ADGRL2: variants seen among roughly 807,000 people sequenced by gnomAD.
ADGRL2 encodes the protein adhesion G protein-coupled receptor L2, also known as calcium-independent alpha-latrotoxin receptor 2.
A neutral mutation model predicts 157.4 loss-of-function variants in ADGRL2; 44 were observed. That is an observed-to-expected ratio of 0.28 (90% CI 0.22 to 0.36). The LOEUF (loss-of-function observed/expected upper bound fraction) is 0.36, where lower values mean the gene tolerates loss of function less well. Among genes scored for constraint, ADGRL2 ranks in the 10% least tolerant of loss-of-function variants. The pLI, the probability that ADGRL2 is intolerant of heterozygous loss-of-function variation, is 1.00. For missense variants in ADGRL2, 1,510 were observed against 1,768.9 expected, an observed-to-expected ratio of 0.85 and a Z score of 2.63; for synonymous variants, 585 against 624.7, an observed-to-expected ratio of 0.94 and a Z score of 0.95.
chr1:81,652,197 G>T (rs572676052), intron 3 of ADGRL2, among the ~76,000 whole-genome samples: 5 of 152,104 alleles, frequency 3.3e-5, no homozygotes, highest in Non-Finnish European at 7.4e-5. Context: ...TAACTTAAAA[G>T]CTACCTTGTT....
intron 1 of ADGRL2, among the ~76,000 whole-genome samples, chr1:81,726,512 G>A (rs1327830270): frequency 2.6e-5 from 4 of 152,084 alleles, no homozygotes; most frequent in Non-Finnish European, 5.9e-5. Context: ...AAACTAAATA[G>A]CCATGACTGT....
intron 2 of ADGRL2, among the ~76,000 whole-genome samples, chr1:81,462,546 A>AT (rs978515047): frequency 2.0e-5 from 3 of 152,002 alleles, no homozygotes; most frequent in South Asian, 4.2e-4. Flanking sequence ...CTGGTGATTA[A>AT]TTTTTTTCCT....
intron 2 of ADGRL2, among the ~76,000 whole-genome samples, chr1:81,514,236 T>C (rs1455412581): frequency 6.6e-6 from 1 of 152,142 alleles, no homozygotes; most frequent in African/African-American, 2.4e-5. Context: ...GGATTGCATA[T>C]TATGTTTGTT....
At position 81,789,294 on chromosome 1, in the gene ADGRL2, T is replaced by C. The variant is rs992613808; in HGVS notation, c.-101+27442T>C. The stretch of plus-strand genomic sequence containing the variant: ...ACAAATACAGTGATGTGTAATAAGT[T>C]CTATGATAATCAATGTTTGTTTTGA... On this transcript the variant is annotated intron_variant, in intron 2 of 20. Transcript: ENST00000359929. Among the ~76,000 whole-genome samples the C allele has an allele frequency of 6.6e-5, 10 of 152,294 alleles. No homozygotes were observed. The South Asian group carries it at 2.1e-3, about 32-fold the overall frequency.
intron 1 of ADGRL2, among the ~76,000 whole-genome samples, chr1:81,812,999 T>C (rs2090025779): frequency 6.6e-6 from 1 of 151,796 alleles, no homozygotes; most frequent in Non-Finnish European, 1.5e-5. Flanking sequence ...AGGGAAGTAC[T>C]TGAGAGTTTT....
intron 1 of ADGRL2, among the ~76,000 whole-genome samples, chr1:81,704,339 T>C (rs764660653): frequency 6.6e-6 from 1 of 152,218 alleles, no homozygotes; most frequent in Non-Finnish European, 1.5e-5. Flanking sequence ...CCGGTTTTCC[T>C]GCCTCAAGAC....
intron 1 of ADGRL2, among the ~76,000 whole-genome samples, chr1:81,726,551 G>T (rs1197833240): frequency 6.6e-6 from 1 of 152,128 alleles, no homozygotes; most frequent in East Asian, 1.9e-4. Flanking sequence ...TGAGAGTGCG[G>T]GTCAAACCTA....
At chr1:81,900,501 C>G (rs1419667552) in intron 2 of ADGRL2, among the ~76,000 whole-genome samples, 1 of 150,720 alleles carries the variant, frequency 6.6e-6, no homozygotes, top group East Asian at 2.0e-4. Flanking sequence ...AACTCATGCC[C>G]AGCAGTGTTG....
chr1:81,956,661 A>G (rs1653602753), intron 11 of ADGRL2, among the ~76,000 whole-genome samples: 1 of 152,206 alleles, frequency 6.6e-6, no homozygotes, highest in South Asian at 2.1e-4. Flanking sequence ...AATATTTGAA[A>G]GAAATACAGT....
At position 81,954,211 on chromosome 1, in the gene ADGRL2, A is replaced by G. The variant is rs370227151; in HGVS notation, c.1833+1186A>G. Among the ~76,000 whole-genome samples the G allele has an allele frequency of 5.8e-3, 809 of 140,206 alleles. 3 individuals are homozygous for G. Among genetic ancestry groups the G allele is most frequent in the Middle Eastern group, 0.012 (3 of 260 alleles). The allele number at this position is 140,206 out of a possible 152,430, so 92.0% of individuals were successfully genotyped here. On this transcript the variant is annotated intron_variant, in intron 10 of 23. Coordinates refer to ENST00000686636, the MANE Select transcript of ADGRL2 (RefSeq NM_001366006.2). ...ACATACATCGCAGTTGGAAAAGAAT[A>G]GCTTTTTTTTTTTCCTTTGGCAGAA...
At chr1:81,703,524 G>A (rs2083639437) in intron 1 of ADGRL2, among the ~76,000 whole-genome samples, 1 of 152,142 alleles carries the variant, frequency 6.6e-6, no homozygotes, top group African/African-American at 2.4e-5. Context: ...ATGAGAGTAT[G>A]TGCCAGATGC....
At chr1:81,581,872 GCGCACACACA>G (rs1170108756) in intron 3 of ADGRL2, among the ~76,000 whole-genome samples, 135 of 85,358 alleles carry the variant, frequency 1.6e-3, no homozygotes, top group East Asian at 5.3e-3. Flanking sequence ...ACACACATGC[GCGCACACACA>G]CACACACACA....
At chr1:81,434,199 T>C (rs549139269) in intron 1 of ADGRL2, among the ~76,000 whole-genome samples, 2 of 152,330 alleles carry the variant, frequency 1.3e-5, no homozygotes, top group African/African-American at 2.4e-5. Context: ...TTTGATACCA[T>C]CCCTGATCTA....
intron 2 of ADGRL2, among the ~76,000 whole-genome samples, chr1:81,555,093 G>A (rs895571758): frequency 6.6e-6 from 1 of 151,858 alleles, no homozygotes; most frequent in African/African-American, 2.4e-5. Flanking sequence ...CAAGGCTGAA[G>A]AAAACAAAAT....
chr1:81,571,316 T>C (rs1433523015), intron 2 of ADGRL2, among the ~76,000 whole-genome samples: 1 of 149,066 alleles, frequency 6.7e-6, no homozygotes, highest in Non-Finnish European at 1.5e-5. Context: ...AGAGCGAGAC[T>C]CTGGCAAAAA....
intron 2 of ADGRL2, chr1:81,502,276 A>G: frequency 4.3e-6 from 7 of 1,613,852 alleles, no homozygotes; most frequent in Non-Finnish European, 5.9e-6. Flanking sequence ...CCAAGGCCTC[A>G]TCTTCTGTCT....
chr1:81,508,941 G>C (rs138679490), intron 2 of ADGRL2, among the ~76,000 whole-genome samples: 1 of 152,138 alleles, frequency 6.6e-6, no homozygotes, highest in East Asian at 1.9e-4. Context: ...TTCTTTTCTA[G>C]GTTCAGATCA....
At chr1:81,781,597 C>T (rs2086814318) in intron 2 of ADGRL2, among the ~76,000 whole-genome samples, 1 of 152,170 alleles carries the variant, frequency 6.6e-6, no homozygotes, top group African/African-American at 2.4e-5. Context: ...GGACTGATAG[C>T]ATTTCAGGTT....
intron 3 of ADGRL2, among the ~76,000 whole-genome samples, chr1:81,649,276 C>G (rs1557535484): frequency 1.3e-5 from 2 of 152,290 alleles, no homozygotes; most frequent in East Asian, 1.9e-4. Flanking sequence ...AACCTTTTCT[C>G]GCTGCTTTCC....
Sources: allele counts gnomAD v4.1 joint callset (sites outside exome capture counted in the v4.1 genomes callset), GRCh38; gene constraint gnomAD v4.1.1; transcripts MANE v1.5; gene names NCBI Gene and HGNC (gene_info 2026-07-23, HGNC 2026-07-21).